EML3: variants seen among roughly 807,000 people sequenced by gnomAD.
EML3 encodes the protein echinoderm microtubule-associated protein-like 3.
EML3 carries 53 observed loss-of-function variants against 106.7 expected under a neutral mutation model. That is an observed-to-expected ratio of 0.50 (90% CI 0.40 to 0.62). The LOEUF (loss-of-function observed/expected upper bound fraction) is 0.62, where lower values mean the gene tolerates loss of function less well. Ranked by LOEUF, EML3 falls within the 20% of genes least tolerant of loss-of-function variation. The pLI is 0.00. For synonymous variants in EML3, 499 were observed against 489.6 expected, an observed-to-expected ratio of 1.02 and a Z score of -0.25; for missense variants, 994 against 1,209.1, an observed-to-expected ratio of 0.82 and a Z score of 2.64.
At chr11:62,603,892 C>CAG in intron 18 of EML3, 52 bp downstream of exon 18, 1 of 1,612,132 alleles carries the variant, frequency 6.2e-7, no homozygotes, top group East Asian at 2.2e-5. Context: ...GCATCAGACC[C>CAG]CTGAGTTTCG....
chr11:62,603,265 G>A lies in EML3; in HGVS notation c.2258-18C>T, dbSNP rs746473202. Reference sequence around the variant, plus strand: ...CACGTCCCCTGGGGAGAGGGAGCCCGCCCAGCTCAGCTCTCACCCTGCCCT... The same window carrying A: ...CACGTCCCCTGGGGAGAGGGAGCCCACCCAGCTCAGCTCTCACCCTGCCCT... On this transcript the variant is annotated intron_variant, in intron 19 of 21. Transcript: ENST00000394773. 1.1e-5 allele frequency: 18 copies of A among 1,608,116 alleles called. No individual in the cohort carries two copies. The Admixed American group carries it at 1.8e-4, about 16-fold the overall frequency.
chr11:62,605,247 T>G lies in EML3; in HGVS notation c.1915-67A>C. 6.5e-7 allele frequency: 1 copy of G among 1,531,008 alleles called. No homozygotes were observed. The highest frequency in any genetic ancestry group is 8.9e-7 in the Non-Finnish European group (1 of 1,123,272). 94.8% of individuals were successfully genotyped at this position (1,531,008 alleles called of 1,614,324 possible). A position where few individuals can be genotyped will look rare whatever the true frequency, so the allele number is the denominator to read the frequency against. On this transcript the variant is annotated intron_variant, in intron 15 of 21. Coordinates refer to ENST00000394773, the MANE Select transcript of EML3 (RefSeq NM_153265.3). The surrounding 1 kb of genome is among the most constrained non-coding windows in gnomAD (Gnocchi z 5.2). ...AGTGAGGGAACCAGAGTGAACCCCT[T>G]GTCCTCCTAACTTCAAAGCCACTTA...
chr11:62,605,994 G>C lies in EML3; in HGVS notation c.1657-14C>G. The C allele has an allele frequency of 3.7e-6, 6 of 1,613,870 alleles. No individual in the cohort carries two copies. The highest frequency in any genetic ancestry group is 4.2e-6 in the Non-Finnish European group (5 of 1,179,998). ...GTGCTCGGGAATCTGCAGAGTGGTA[G>C]CAGAATGTCAAGAGCCCACTGACTA... On this transcript the variant is annotated splice_polypyrimidine_tract_variant and intron_variant, in intron 13 of 21. Transcript: ENST00000394773. This position sits in a 1 kb window ranked among gnomAD's most constrained non-coding sequence, Gnocchi z 5.2.
intron 1 of EML3, 94 bp downstream of exon 1, chr11:62,612,342 G>A (rs1443779646): frequency 3.9e-6 from 5 of 1,287,576 alleles, no homozygotes; most frequent in Middle Eastern, 2.0e-4. Context: ...AGGAGCACGC[G>A]GGGACGCCTC....
chr11:62,602,373 G>T lies in EML3; in HGVS notation c.*102C>A. The T allele has an allele frequency of 6.4e-7, 1 of 1,550,800 alleles. No individual in the cohort carries two copies. The highest frequency in any genetic ancestry group is 8.7e-7 in the Non-Finnish European group (1 of 1,146,548). On this transcript the variant is annotated 3_prime_UTR_variant, in exon 22 of 22. Transcript: ENST00000394773. ...CGCGATCGGGAATGTCTCGAAGTCAGTCCAGGAAAGAGTCGGCCCCTAGTC... is the reference window on the plus strand; with the variant it reads ...CGCGATCGGGAATGTCTCGAAGTCATTCCAGGAAAGAGTCGGCCCCTAGTC...
chr11:62,606,191 C>T lies in EML3; in HGVS notation c.1528G>A (p.Ala510Thr). ...AKETYGIVAQAHAHEGSIFAL... is the reference protein window; with the variant it reads ...AKETYGIVAQTHAHEGSIFAL... Reference sequence around the variant, plus strand: ...AAGATAGAACCTTCATGAGCGTGAGCCTGGGCCACAATCCCATAGGTCTCT... The same window carrying T: ...AAGATAGAACCTTCATGAGCGTGAGTCTGGGCCACAATCCCATAGGTCTCT... The change falls in exon 13 of 22, where the codon GCT becomes ACT. Residue 510 changes from alanine to threonine, a missense_variant. By Grantham distance (58) the Ala-to-Thr change is moderately conservative. Transcript: ENST00000394773. 6.2e-7 allele frequency: 1 copy of T among 1,613,944 alleles called. No individual in the cohort carries two copies. Among genetic ancestry groups the T allele is most frequent in the Non-Finnish European group, 8.5e-7 (1 of 1,180,016 alleles).
chr11:62,607,300 T>C (rs568599599), intron 11 of EML3: 12 of 556,318 alleles, frequency 2.2e-5, no homozygotes, highest in African/African-American at 1.9e-4. Flanking sequence ...GCCTGGGTGA[T>C]AGAGCAAGGC....
In EML3 at chr11:62,606,193, T is replaced by C. The variant is rs1942508863; in HGVS notation, c.1526A>G (p.Gln509Arg). Residue 509 changes from glutamine (Q) to arginine (R), a missense_variant, in exon 13 of 22, where the codon CAG (glutamine) becomes CGG (arginine). Gln to Arg is a conservative substitution (Grantham distance 43, BLOSUM62 1). This residue lies in a region of EML3 where 713 missense variants were observed against 920.5 expected (regional missense o/e 0.77). Transcript: ENST00000394773. ...GAKETYGIVAQAHAHEGSIFA... is the reference protein window; with the variant it reads ...GAKETYGIVARAHAHEGSIFA... ...GATAGAACCTTCATGAGCGTGAGCC[T>C]GGGCCACAATCCCATAGGTCTCTGT... The C allele has an allele frequency of 6.8e-6, 11 of 1,613,926 alleles. No homozygotes were observed. Among genetic ancestry groups the C allele is most frequent in the African/African-American group, 1.3e-5 (1 of 75,056 alleles).
At position 62,606,118 on chromosome 11, in the gene EML3, C is replaced by G; in HGVS notation, c.1601G>C (p.Arg534Pro). ...RDGTVLSGGG[R>P]DRRLVQWGPG... ...CCCCCACTGTACCAGCCGGCGGTCC[C>G]GCCCGCCACCACTCAGCACTGTCCC... The change falls in exon 13 of 22, where the codon CGG (arginine) becomes CCG (proline). Residue 534 changes from arginine to proline, a missense_variant. Coordinates refer to ENST00000394773, the MANE Select transcript of EML3 (RefSeq NM_153265.3). 1 of 1,614,112 alleles carries G rather than the reference C, an allele frequency of 6.2e-7. No individual in the cohort carries two copies. Among genetic ancestry groups the G allele is most frequent in the Non-Finnish European group, 8.5e-7 (1 of 1,180,050 alleles).
chr11:62,607,152 A>T, intron 11 of EML3, 53 bp from the exon 12 acceptor site: 2 of 1,599,390 alleles, frequency 1.3e-6, no homozygotes. Flanking sequence ...GCAAAGATTA[A>T]AAGTCGCAGG....
rs369914709 is a variant in EML3 at position 62,605,958 on chromosome 11, A to G, written c.1679T>C (p.Val560Ala). ...GCCAAGCCCTTCAGCAATGGCTCGC[A>G]CGGCCCCGAAGTGCTCGGGAATCTG... Reference protein sequence around the residue: ...EAEIPEHFGAVRAIAEGLGSE... With the variant: ...EAEIPEHFGAARAIAEGLGSE... Residue 560 changes from valine to alanine, a missense_variant, in exon 14 of 22, where the codon GTG becomes GCG. By Grantham distance (64) the Val-to-Ala change is moderately conservative (BLOSUM62 0). This residue lies in a region of EML3 where 713 missense variants were observed against 920.5 expected (regional missense o/e 0.77). Coordinates refer to ENST00000394773, the MANE Select transcript of EML3 (RefSeq NM_153265.3). This position sits in a 1 kb window ranked among gnomAD's most constrained non-coding sequence, Gnocchi z 5.2. 150 of 1,613,998 alleles carry G rather than the reference A, an allele frequency of 9.3e-5. No homozygotes were observed. Among genetic ancestry groups the G allele is most frequent in the Non-Finnish European group, 1.3e-4 (150 of 1,180,038 alleles).
At chr11:62,604,849 A>G (rs1942433097) in intron 16 of EML3, 1 of 315,322 alleles carries the variant, frequency 3.2e-6, no homozygotes, top group Non-Finnish European at 5.9e-6. Flanking sequence ...TGCCCCTCCC[A>G]TTCCCACTGT....
At position 62,604,038 on chromosome 11, in the gene EML3, C is replaced by T; in HGVS notation, c.2075G>A (p.Gly692Glu). 8 of 1,614,158 alleles carry T rather than the reference C, an allele frequency of 5.0e-6. No homozygotes were observed. Among genetic ancestry groups the T allele is most frequent in the Non-Finnish European group, 6.8e-6 (8 of 1,180,032 alleles). ...ATGGGAACCAATGGCCAGGTACAAC[C>T]CATCTGCAAATACAGTCACTCAGAG... ...QLSVVRYSPDGLYLAIGSHDN... is the reference protein window; with the variant it reads ...QLSVVRYSPDELYLAIGSHDN... Residue 692 changes from glycine (G) to glutamate (E), a missense_variant, in exon 18 of 22, where the codon GGG (glycine) becomes GAG (glutamate). Gly to Glu is a moderately conservative substitution (Grantham distance 98). This residue lies in a region of EML3 where 713 missense variants were observed against 920.5 expected (regional missense o/e 0.77). Transcript: ENST00000394773.
In EML3 at chr11:62,605,119, G is replaced by C; in HGVS notation, c.1976C>G (p.Thr659Arg). ...AGTCCTGGCTCTCTCTCACCTCCCC[G>C]TGTTCAGTCCTACGGCCACAACTGC... is the stretch of plus-strand genomic sequence containing the variant. ...SGAVVAVGLNTGRWLVLDTET... is the reference protein window; with the variant it reads ...SGAVVAVGLNRGRWLVLDTET... Residue 659 changes from threonine (T) to arginine (R), a missense_variant, in exon 16 of 22, where the codon ACG becomes AGG. Thr to Arg is a moderately conservative substitution (Grantham distance 71). This residue lies in a region of EML3 where 713 missense variants were observed against 920.5 expected (regional missense o/e 0.77). Coordinates refer to ENST00000394773, the MANE Select transcript of EML3 (RefSeq NM_153265.3). This position sits in a 1 kb window ranked among gnomAD's most constrained non-coding sequence, Gnocchi z 5.2. The C allele has an allele frequency of 6.2e-7, 1 of 1,611,864 alleles. No homozygotes were observed.
rs749854968 is a variant in EML3 at position 62,603,257 on chromosome 11, G to C, written c.2258-10C>G. ...CCTCCAGCCACGTCCCCTGGGGAGA[G>C]GGAGCCCGCCCAGCTCAGCTCTCAC... is the stretch of plus-strand genomic sequence containing the variant. On this transcript the variant is annotated splice_polypyrimidine_tract_variant and intron_variant, in intron 19 of 21. Coordinates refer to ENST00000394773, the MANE Select transcript of EML3 (RefSeq NM_153265.3). 9 of 1,612,176 alleles carry C rather than the reference G, an allele frequency of 5.6e-6. No homozygotes were observed. The South Asian group carries it at 8.8e-5, about 16-fold the overall frequency.
In EML3 at chr11:62,610,868, G is replaced by A; in HGVS notation, c.566+11C>T. On this transcript the variant is annotated intron_variant, in intron 4 of 21. Coordinates refer to ENST00000394773, the MANE Select transcript of EML3 (RefSeq NM_153265.3). ...CTGGGGCGGGGTGGGTTGAGGGGAA[G>A]CCTCACCCACCTCTCTGTGCTCCCG... 6.3e-7 allele frequency: 1 copy of A among 1,597,360 alleles called. No individual in the cohort carries two copies.
At chr11:62,602,944 A>T in intron 20 of EML3, 55 bp from the exon 21 acceptor site, 1 of 1,484,668 alleles carries the variant, frequency 6.7e-7, no homozygotes, top group Admixed American at 2.3e-5. Flanking sequence ...CCCACGGCCC[A>T]GAGCTACACC....
Position 62,602,243 on chromosome 11 carries a change from C to T in EML3, c.*232G>A. On this transcript the variant is annotated 3_prime_UTR_variant, in exon 22 of 22. Coordinates refer to ENST00000394773, the MANE Select transcript of EML3 (RefSeq NM_153265.3). Reference sequence around the variant, plus strand: ...GCGACTTTGGTTCTGGTTTATTGCCCCTCAGCAGGCAGCGGGAGTCAAGGC... The same window carrying T: ...GCGACTTTGGTTCTGGTTTATTGCCTCTCAGCAGGCAGCGGGAGTCAAGGC... The T allele has an allele frequency of 1.3e-6, 2 of 1,543,510 alleles. No individual in the cohort carries two copies. Among genetic ancestry groups the T allele is most frequent in the Non-Finnish European group, 1.7e-6 (2 of 1,143,022 alleles).
At chr11:62,612,211 G>C (rs1347643636) in intron 1 of EML3, 3 of 522,058 alleles carry the variant, frequency 5.7e-6, no homozygotes, top group Middle Eastern at 4.2e-4. Context: ...AAACATCGAG[G>C]GGCCCGGAGT....
Sources: gnomAD v4.1 joint callset for allele counts on GRCh38, gnomAD v4.1.1 for gene constraint, gnomAD v4.1.1 regional missense constraint, Gnocchi (gnomAD v3.1) non-coding constraint, MANE v1.5 for transcripts, NCBI Gene and HGNC (gene_info 2026-07-23, HGNC 2026-07-21) for gene names.